Variants in OR13C8 observed in about 807,000 individuals in gnomAD.
OR13C8 encodes the protein olfactory receptor 13C8.
For missense variants in OR13C8, 382 were observed against 388.1 expected (o/e 0.98, Z 0.13); for synonymous variants, 149 against 143.6 (o/e 1.04, Z -0.27).
rs1490771285 is a variant in OR13C8 at position 104,569,717 on chromosome 9, A to C, written c.550A>C (p.Ile184Leu). The C allele has an allele frequency of 1.2e-6, 2 of 1,614,094 alleles. No individual in the cohort carries two copies. The highest frequency in any genetic ancestry group is 4.5e-5 in the East Asian group (2 of 44,894). ...IKHFVCEILA[I>L]LKLACADISI... ...ACATTTTGTCTGTGAAATTCTGGCT[A>C]TCTTGAAACTGGCCTGTGCTGATAT... The change falls in exon 1 of 1, where the codon ATC becomes CTC. Residue 184 changes from isoleucine to leucine, a missense_variant. Ile to Leu is a conservative substitution (Grantham distance 5). Coordinates refer to ENST00000335040, the MANE Select transcript of OR13C8 (RefSeq NM_001004483.1).
Position 104,569,755 on chromosome 9 carries a change from G to T in OR13C8, c.588G>T (p.Val196=), listed in dbSNP as rs1019534715. 1.9e-6 allele frequency: 3 copies of T among 1,614,190 alleles called. No individual in the cohort carries two copies. Among genetic ancestry groups the T allele is most frequent in the Non-Finnish European group, 2.5e-6 (3 of 1,180,032 alleles). The change falls in exon 1 of 1, where the codon GTG becomes GTT. Residue 196 remains valine (V), a synonymous_variant. Coordinates refer to ENST00000335040, the MANE Select transcript of OR13C8 (RefSeq NM_001004483.1). ...KLACADISIN[V]ISMTGSNLIV... ...CCTGTGCTGATATTTCAATCAATGT[G>T]ATTAGTATGACAGGGTCGAATCTGA...
chr9:104,569,418 G>A lies in OR13C8; in HGVS notation c.251G>A (p.Ser84Asn), dbSNP rs751813254. Reference sequence around the variant, plus strand: ...TCCTCTGTCCCACTAATTCTTGCCAGCTTTCTGGCAGTAAAGAAAAAGGTT... The same window carrying A: ...TCCTCTGTCCCACTAATTCTTGCCAACTTTCTGGCAGTAAAGAAAAAGGTT... Reference protein sequence around the residue: ...TSSSVPLILASFLAVKKKVSF... With the variant: ...TSSSVPLILANFLAVKKKVSF... Residue 84 changes from serine to asparagine, a missense_variant, in exon 1 of 1, where the codon AGC becomes AAC. Transcript: ENST00000335040. 1.2e-6 allele frequency: 2 copies of A among 1,614,180 alleles called. No homozygotes were observed. Among genetic ancestry groups the A allele is most frequent in the Admixed American group, 3.3e-5 (2 of 60,014 alleles).
chr9:104,569,336 A>AC lies in OR13C8; in HGVS notation c.174dup (p.Met59HisfsTer7). The AC allele has an allele frequency of 4.3e-6, 7 of 1,613,704 alleles. No individual in the cohort carries two copies. The highest frequency in any genetic ancestry group is 2.2e-5 in the East Asian group (1 of 44,854). On this transcript the variant is annotated frameshift_variant, in exon 1 of 1. Coordinates refer to ENST00000335040, the MANE Select transcript of OR13C8 (RefSeq NM_001004483.1). LOFTEE classifies it low-confidence loss of function (END_TRUNC). ...TATCATCTTTGATTCTCACCTGCAC[A>AC]CCCCCATGTATTTCTTCCTCTGTAA...
chr9:104,569,234 C>T lies in OR13C8; in HGVS notation c.67C>T (p.Leu23Phe). ...FLVGLSAHPK[L>F]QTVFFVLILW... is the part of the protein sequence containing the mutation. Reference sequence around the variant, plus strand: ...GGTAGGGCTTTCTGCCCACCCAAAGCTCCAGACAGTTTTCTTCGTTCTAAT... The same window carrying T: ...GGTAGGGCTTTCTGCCCACCCAAAGTTCCAGACAGTTTTCTTCGTTCTAAT... The change falls in exon 1 of 1, where the codon CTC becomes TTC. Residue 23 changes from leucine (L) to phenylalanine (F), a missense_variant. Physicochemically the swap from Leu to Phe is conservative, Grantham distance 22 (BLOSUM62 0). Transcript: ENST00000335040. The T allele has an allele frequency of 6.2e-7, 1 of 1,614,114 alleles. No individual in the cohort carries two copies. Among genetic ancestry groups the T allele is most frequent in the East Asian group, 2.2e-5 (1 of 44,872 alleles).
chr9:104,569,526 TG>T lies in OR13C8; in HGVS notation c.361del (p.Asp121ThrfsTer10). ...TGCATGATCTTAGGCACGATGGCAC[TG>T]GACCGCTATGTGGCCATCTGCTACC... ...TECMILGTMA[L>X]DRYVAICYPL... On this transcript the variant is annotated frameshift_variant, in exon 1 of 1. Transcript: ENST00000335040. LOFTEE classifies it low-confidence loss of function (END_TRUNC). The T allele has an allele frequency of 6.2e-7, 1 of 1,614,208 alleles. No individual in the cohort carries two copies. The highest frequency in any genetic ancestry group is 1.1e-5 in the South Asian group (1 of 91,070).
In OR13C8 at chr9:104,570,074, G is replaced by T; in HGVS notation, c.907G>T (p.Val303Leu). Residue 303 changes from valine to leucine, a missense_variant, in exon 1 of 1, where the codon GTA (valine) becomes TTA (leucine). Val to Leu is a conservative substitution (Grantham distance 32). Coordinates refer to ENST00000335040, the MANE Select transcript of OR13C8 (RefSeq NM_001004483.1). ...CATCTATAGTCTGCGAAACAAGGATGTAAAGGCTGCTGTCAAAAACATACT... is the reference window on the plus strand; with the variant it reads ...CATCTATAGTCTGCGAAACAAGGATTTAAAGGCTGCTGTCAAAAACATACT... ...PLIYSLRNKD[V>L]KAAVKNILCR... 1 of 1,612,380 alleles carries T rather than the reference G, an allele frequency of 6.2e-7. No homozygotes were observed. The highest frequency in any genetic ancestry group is 1.1e-5 in the South Asian group (1 of 90,896).
rs1363073607 is a variant in OR13C8 at position 104,569,882 on chromosome 9, T to G, written c.715T>G (p.Ser239Ala). 4 of 1,614,060 alleles carry G rather than the reference T, an allele frequency of 2.5e-6. No homozygotes were observed. The African/African-American group carries it at 5.3e-5, about 22-fold the overall frequency. Residue 239 changes from serine (S) to alanine (A), a missense_variant, in exon 1 of 1, where the codon TCC becomes GCC. Ser to Ala is a moderately conservative substitution (Grantham distance 99, BLOSUM62 1). Transcript: ENST00000335040. Reference protein sequence around the residue: ...PSTEGKHKAFSTCSAHLTVVI... With the variant: ...PSTEGKHKAFATCSAHLTVVI... ...CACTGAAGGAAAACATAAGGCCTTC[T>G]CCACCTGCTCAGCCCACCTGACAGT...
Position 104,569,928 on chromosome 9 carries a change from C to A in OR13C8, c.761C>A (p.Thr254Asn). Residue 254 changes from threonine (T) to asparagine (N), a missense_variant, in exon 1 of 1, where the codon ACC becomes AAC. Coordinates refer to ENST00000335040, the MANE Select transcript of OR13C8 (RefSeq NM_001004483.1). Reference sequence around the variant, plus strand: ...ACAGTGGTGATTATATTCTATGGAACCATCTTCTTCATGTACGCAAAGCCT... The same window carrying A: ...ACAGTGGTGATTATATTCTATGGAAACATCTTCTTCATGTACGCAAAGCCT... The part of the protein sequence containing the change: ...HLTVVIIFYG[T>N]IFFMYAKPES... The A allele has an allele frequency of 6.2e-7, 1 of 1,614,190 alleles. No individual in the cohort carries two copies.
chr9:104,569,914 T>C lies in OR13C8; in HGVS notation c.747T>C (p.Ile249=). 6.2e-7 allele frequency: 1 copy of C among 1,614,210 alleles called. No individual in the cohort carries two copies. The highest frequency in any genetic ancestry group is 1.1e-5 in the South Asian group (1 of 91,086). The change falls in exon 1 of 1, where the codon ATT becomes ATC. Residue 249 remains isoleucine (I), a synonymous_variant. Transcript: ENST00000335040. ...STCSAHLTVV[I]IFYGTIFFMY... ...GCTCAGCCCACCTGACAGTGGTGAT[T>C]ATATTCTATGGAACCATCTTCTTCA...
In OR13C8 at chr9:104,569,552, C is replaced by T. The variant is rs1829153031; in HGVS notation, c.385C>T (p.Pro129Ser). 2 of 1,614,128 alleles carry T rather than the reference C, an allele frequency of 1.2e-6. No homozygotes were observed. Residue 129 changes from proline to serine, a missense_variant, in exon 1 of 1, where the codon CCA becomes TCA. Physicochemically the swap from Pro to Ser is moderately conservative, Grantham distance 74. Coordinates refer to ENST00000335040, the MANE Select transcript of OR13C8 (RefSeq NM_001004483.1). ...ALDRYVAICYPLRYPVIMSKG... is the reference protein window; with the variant it reads ...ALDRYVAICYSLRYPVIMSKG... Reference sequence around the variant, plus strand: ...GGACCGCTATGTGGCCATCTGCTACCCACTGAGATACCCTGTCATCATGAG... The same window carrying T: ...GGACCGCTATGTGGCCATCTGCTACTCACTGAGATACCCTGTCATCATGAG...
rs1320947789 is a variant in OR13C8 at position 104,569,959 on chromosome 9, T to C, written c.792T>C (p.Ser264=). ...TIFFMYAKPE[S]KASVDSGNED... ...TCTTCATGTACGCAAAGCCTGAGTC[T>C]AAAGCCTCTGTTGATTCAGGTAATG... The change falls in exon 1 of 1, where the codon TCT becomes TCC. Residue 264 remains serine, a synonymous_variant. Transcript: ENST00000335040. 2 of 1,614,208 alleles carry C rather than the reference T, an allele frequency of 1.2e-6. No individual in the cohort carries two copies. Among genetic ancestry groups the C allele is most frequent in the African/African-American group, 1.3e-5 (1 of 75,062 alleles).
chr9:104,570,061 G>T lies in OR13C8; in HGVS notation c.894G>T (p.Leu298=), dbSNP rs1407106517. 6.2e-7 allele frequency: 1 copy of T among 1,613,236 alleles called. No homozygotes were observed. The highest frequency in any genetic ancestry group is 1.3e-5 in the African/African-American group (1 of 74,888). The part of the protein sequence containing the change: ...TPMLNPLIYS[L]RNKDVKAAVK... ...TGCTTAATCCTCTCATCTATAGTCT[G>T]CGAAACAAGGATGTAAAGGCTGCTG... Residue 298 remains leucine, a synonymous_variant, in exon 1 of 1, where the codon CTG becomes CTT. Transcript: ENST00000335040.
rs770550248 is a variant in OR13C8 at position 104,569,234 on chromosome 9, C to G, written c.67C>G (p.Leu23Val). Residue 23 changes from leucine (L) to valine (V), a missense_variant, in exon 1 of 1, where the codon CTC (leucine) becomes GTC (valine). Leu to Val is a conservative substitution (Grantham distance 32). Transcript: ENST00000335040. ...FLVGLSAHPK[L>V]QTVFFVLILW... Reference sequence around the variant, plus strand: ...GGTAGGGCTTTCTGCCCACCCAAAGCTCCAGACAGTTTTCTTCGTTCTAAT... The same window carrying G: ...GGTAGGGCTTTCTGCCCACCCAAAGGTCCAGACAGTTTTCTTCGTTCTAAT... The G allele has an allele frequency of 3.7e-6, 6 of 1,614,114 alleles. No homozygotes were observed. Among genetic ancestry groups the G allele is most frequent in the Non-Finnish European group, 5.1e-6 (6 of 1,180,002 alleles).
chr9:104,569,810 T>C lies in OR13C8; in HGVS notation c.643T>C (p.Ser215Pro), dbSNP rs763542861. Residue 215 changes from serine to proline, a missense_variant, in exon 1 of 1, where the codon TCC becomes CCC. Physicochemically the swap from Ser to Pro is moderately conservative, Grantham distance 74 (BLOSUM62 -1). Coordinates refer to ENST00000335040, the MANE Select transcript of OR13C8 (RefSeq NM_001004483.1). ...TCTGGTTATTCCATTGTTAGTAATT[T>C]CCATCTCTTACATATTTATTGTTGC... ...IVLVIPLLVI[S>P]ISYIFIVATI... 2.9e-5 allele frequency: 46 copies of C among 1,613,980 alleles called. No individual in the cohort carries two copies. The Admixed American group carries it at 7.5e-4, about 26-fold the overall frequency.
chr9:104,569,391 G>A lies in OR13C8; in HGVS notation c.224G>A (p.Ser75Asn), dbSNP rs1490288494. 1 of 1,614,188 alleles carries A rather than the reference G, an allele frequency of 6.2e-7. No homozygotes were observed. The highest frequency in any genetic ancestry group is 2.2e-5 in the East Asian group (1 of 44,872). The change falls in exon 1 of 1, where the codon AGT (serine) becomes AAT (asparagine). Residue 75 changes from serine to asparagine, a missense_variant. By Grantham distance (46) the Ser-to-Asn change is conservative (BLOSUM62 1). Transcript: ENST00000335040. Reference protein sequence around the residue: ...NLSFLDVCYTSSSVPLILASF... With the variant: ...NLSFLDVCYTNSSVPLILASF... The stretch of plus-strand genomic sequence containing the variant: ...TCCTTCCTCGACGTTTGCTACACAA[G>A]TTCCTCTGTCCCACTAATTCTTGCC...
chr9:104,569,999 G>T lies in OR13C8; in HGVS notation c.832G>T (p.Ala278Ser). 6.2e-7 allele frequency: 1 copy of T among 1,614,102 alleles called. No individual in the cohort carries two copies. Among genetic ancestry groups the T allele is most frequent in the Non-Finnish European group, 8.5e-7 (1 of 1,180,010 alleles). The stretch of plus-strand genomic sequence containing the variant: ...TTCAGGTAATGAAGACATCATTGAG[G>T]CCCTCATCTCCCTTTTCTATGGAGT... ...VDSGNEDIIE[A>S]LISLFYGVMT... Residue 278 changes from alanine to serine, a missense_variant, in exon 1 of 1, where the codon GCC becomes TCC. By Grantham distance (99) the Ala-to-Ser change is moderately conservative (BLOSUM62 1). Transcript: ENST00000335040.
rs944419640 is a variant in OR13C8 at position 104,569,185 on chromosome 9, T to G, written c.18T>G (p.Asp6Glu). 2 of 1,612,976 alleles carry G rather than the reference T, an allele frequency of 1.2e-6. No individual in the cohort carries two copies. The highest frequency in any genetic ancestry group is 1.3e-5 in the African/African-American group (1 of 74,836). MERTNDSTSTEFFLVG... is the reference protein window; with the variant it reads MERTNESTSTEFFLVG... ...TATGTAATATGGAAAGGACCAACGA[T>G]TCCACGTCGACAGAATTTTTCCTGG... Residue 6 changes from aspartate to glutamate, a missense_variant, in exon 1 of 1, where the codon GAT (aspartate) becomes GAG (glutamate). Physicochemically the swap from Asp to Glu is conservative, Grantham distance 45 (BLOSUM62 2). Coordinates refer to ENST00000335040, the MANE Select transcript of OR13C8 (RefSeq NM_001004483.1).
chr9:104,569,714 G>T lies in OR13C8; in HGVS notation c.547G>T (p.Ala183Ser), dbSNP rs1291746578. 9 of 1,614,154 alleles carry T rather than the reference G, an allele frequency of 5.6e-6. No homozygotes were observed. The Admixed American group carries it at 8.3e-5, about 15-fold the overall frequency. The part of the protein sequence containing the change: ...VIKHFVCEIL[A>S]ILKLACADIS... ...TAAACATTTTGTCTGTGAAATTCTG[G>T]CTATCTTGAAACTGGCCTGTGCTGA... Residue 183 changes from alanine (A) to serine (S), a missense_variant, in exon 1 of 1, where the codon GCT becomes TCT. Physicochemically the swap from Ala to Ser is moderately conservative, Grantham distance 99 (BLOSUM62 1). Coordinates refer to ENST00000335040, the MANE Select transcript of OR13C8 (RefSeq NM_001004483.1).
chr9:104,569,910 T>C lies in OR13C8; in HGVS notation c.743T>C (p.Val248Ala). The change falls in exon 1 of 1, where the codon GTG (valine) becomes GCG (alanine). Residue 248 changes from valine (V) to alanine (A), a missense_variant. Coordinates refer to ENST00000335040, the MANE Select transcript of OR13C8 (RefSeq NM_001004483.1). ...ACCTGCTCAGCCCACCTGACAGTGGTGATTATATTCTATGGAACCATCTTC... is the reference window on the plus strand; with the variant it reads ...ACCTGCTCAGCCCACCTGACAGTGGCGATTATATTCTATGGAACCATCTTC... ...FSTCSAHLTV[V>A]IIFYGTIFFM... 2 of 1,614,206 alleles carry C rather than the reference T, an allele frequency of 1.2e-6. No homozygotes were observed. The highest frequency in any genetic ancestry group is 8.5e-7 in the Non-Finnish European group (1 of 1,180,042).
Sources: allele counts gnomAD v4.1 joint callset, GRCh38; gene constraint gnomAD v4.1.1; transcripts MANE v1.5; gene names NCBI Gene and HGNC (gene_info 2026-07-23, HGNC 2026-07-21).